Variants in TCF7 observed in about 807,000 individuals in gnomAD.
TCF7 encodes the protein T-cell-factor-7.
In TCF7, 19 loss-of-function variants were observed where a neutral mutation model predicts 46.8. The ratio of observed to expected loss-of-function variants is 0.41; its 90% CI spans 0.28 to 0.60. The LOEUF is 0.60. Among genes scored for constraint, TCF7 ranks in the 20% least tolerant of loss-of-function variants. TCF7 has a pLI of 0.35. For missense variants in TCF7, 547 were observed against 504.6 expected (o/e 1.08, Z -0.81); for synonymous variants, 245 against 213.4 (o/e 1.15, Z -1.29).
rs147328491 is a variant in TCF7 at position 134,143,001 on chromosome 5, G to A, written c.927G>A (p.Ala309=). The A allele has an allele frequency of 2.5e-3, 3,953 of 1,612,862 alleles. 19 individuals are homozygous for A. The highest frequency in any genetic ancestry group is 2.3e-3 in the Non-Finnish European group (2,764 of 1,179,384). Residue 309 remains alanine (A), a synonymous_variant, in exon 8 of 10, where the codon GCG becomes GCA. Coordinates refer to ENST00000342854, the MANE Select transcript of TCF7 (RefSeq NM_003202.5). The part of the protein sequence containing the change: ...INQILGRRWH[A]LSREEQAKYY... ...CCTCTTCCCTGTTGCAGTGGCACGC[G>A]CTGTCGCGAGAAGAGCAGGCCAAGT...
chr5:134,124,379 G>T (rs1229317882), intron 3 of TCF7, among the ~76,000 whole-genome samples: 2 of 152,174 alleles, frequency 1.3e-5, no homozygotes, highest in Non-Finnish European at 2.9e-5. Flanking sequence ...TCCTCAGAGG[G>T]TTCCCCCTTC....
chr5:134,135,199 GTCC>G (rs1758688855), intron 3 of TCF7, among the ~76,000 whole-genome samples: 2 of 152,262 alleles, frequency 1.3e-5, no homozygotes, highest in East Asian at 3.9e-4. Flanking sequence ...ACCTAAAGCA[GTCC>G]TCCTCCCTCA....
the TCF7 span, among the ~76,000 whole-genome samples, chr5:134,109,382 C>A: frequency 3.3e-5 from 5 of 152,156 alleles, no homozygotes; most frequent in African/African-American, 9.7e-5. Context: ...GAACACCAGG[C>A]CTTGGTGTGC....
At chr5:134,137,306 T>C (rs6864422) in intron 3 of TCF7, among the ~76,000 whole-genome samples, 22,869 of 151,410 alleles carry the variant, frequency 0.15, 2,712 homozygotes, top group African/African-American at 0.33. Context: ...TGCCTGTAAT[T>C]CCAGCTACTC....
At chr5:134,131,455 C>G in intron 3 of TCF7, among the ~76,000 whole-genome samples, 1 of 152,212 alleles carries the variant, frequency 6.6e-6, no homozygotes, top group African/African-American at 2.4e-5. Context: ...GGAGGTAGCA[C>G]AAGGCTCAAG....
upstream of TCF7, among the ~76,000 whole-genome samples, chr5:134,109,983 C>T (rs543955892): frequency 3.9e-5 from 6 of 152,292 alleles, no homozygotes; most frequent in East Asian, 1.9e-4. Context: ...CGTTTGCCTT[C>T]GCTGTCGCCA....
intron 3 of TCF7, among the ~76,000 whole-genome samples, chr5:134,121,621 C>T (rs1303830532): frequency 6.6e-6 from 1 of 151,880 alleles, no homozygotes; most frequent in Non-Finnish European, 1.5e-5. Context: ...ACCCTCATGG[C>T]CATCAGCCTG....
At position 134,125,575 on chromosome 5, in the gene TCF7, G is replaced by A. The variant is rs116068793; in HGVS notation, c.441+9542G>A. On this transcript the variant is annotated intron_variant, in intron 3 of 9. Coordinates refer to ENST00000342854, the MANE Select transcript of TCF7 (RefSeq NM_003202.5). ...TGTCTGGGAGAGCCAGGAGGAGGCT[G>A]CTGAGGGTGAGGTGGTGGTCTCAGG... Among the ~76,000 whole-genome samples, 827 of 152,392 alleles carry A rather than the reference G, an allele frequency of 5.4e-3. 6 individuals carry two copies. Among genetic ancestry groups the A allele is most frequent in the African/African-American group, 0.019 (781 of 41,606 alleles).
upstream of TCF7, among the ~76,000 whole-genome samples, chr5:134,112,491 C>T (rs538550454): frequency 6.6e-6 from 1 of 152,308 alleles, no homozygotes; most frequent in African/African-American, 2.4e-5. Context: ...TCCCACTCTC[C>T]CTACTCACCC....
intron 2 of TCF7, 174 bp downstream of exon 2, chr5:134,115,561 T>G (rs1755687886): frequency 5.6e-6 from 8 of 1,438,798 alleles, no homozygotes; most frequent in Non-Finnish European, 7.3e-6. Flanking sequence ...CCGGGTCGAG[T>G]CACTTCCGGT....
intron 3 of TCF7, among the ~76,000 whole-genome samples, chr5:134,133,462 C>T (rs916018635): frequency 1.3e-5 from 2 of 152,160 alleles, no homozygotes; most frequent in Non-Finnish European, 2.9e-5. Context: ...ATATACATGC[C>T]AGGCCCCAGG....
At chr5:134,108,559 G>C in the TCF7 span, among the ~76,000 whole-genome samples, 1 of 152,284 alleles carries the variant, frequency 6.6e-6, no homozygotes, top group South Asian at 2.1e-4. Context: ...GAATAAGAGG[G>C]TGAGCTTTCC....
intron 3 of TCF7, among the ~76,000 whole-genome samples, chr5:134,124,570 G>A (rs555787412): frequency 6.6e-6 from 1 of 152,106 alleles, no homozygotes; most frequent in Non-Finnish European, 1.5e-5. Flanking sequence ...GCAAGCCTGG[G>A]GACACAAAGC....
At chr5:134,145,908 G>A in intron 9 of TCF7, 2 of 1,537,314 alleles carry the variant, frequency 1.3e-6, no homozygotes, top group Middle Eastern at 1.9e-4. Flanking sequence ...ATCTGGAGAA[G>A]CTCAAAGGCC....
rs1759841323 is a variant in TCF7 at position 134,141,916 on chromosome 5, T to C, written c.636-269T>C. ...AGGCTGGGTTGGTAGGGGAAGGACGTGAGAAGGGGACAGATTCAAAAGCTA... is the reference window on the plus strand; with the variant it reads ...AGGCTGGGTTGGTAGGGGAAGGACGCGAGAAGGGGACAGATTCAAAAGCTA... On this transcript the variant is annotated intron_variant, in intron 5 of 9. Transcript: ENST00000342854. 9.1e-6 allele frequency: 3 copies of C among 330,282 alleles called. No homozygotes were observed. In the Admixed American group the frequency reaches 1.4e-4, roughly 15 times the overall value. The allele number at this position is 330,282 out of a possible 1,614,324, so 20.5% of individuals were successfully genotyped here. A position where few individuals can be genotyped will look rare whatever the true frequency, so the allele number is the denominator to read the frequency against.
rs758688603 is a variant in TCF7, at chr5:134,143,296, G to A, written c.1026+196G>A. Reference sequence around the variant, plus strand: ...CATCCTATTCTCCACTCCAGAATATGCTCACACATGAGCTGTTACCCAACA... The same window carrying A: ...CATCCTATTCTCCACTCCAGAATATACTCACACATGAGCTGTTACCCAACA... On this transcript the variant is annotated intron_variant, in intron 8 of 9. Coordinates refer to ENST00000342854, the MANE Select transcript of TCF7 (RefSeq NM_003202.5). The A allele has an allele frequency of 6.6e-6, 5 of 757,736 alleles. No individual in the cohort carries two copies. The African/African-American group carries it at 8.5e-5, about 13-fold the overall frequency. 46.9% of individuals were successfully genotyped at this position (757,736 alleles called of 1,614,324 possible). A position where few individuals can be genotyped will look rare whatever the true frequency, so the allele number is the denominator to read the frequency against.
rs1164325633 is a variant in TCF7, at chr5:134,148,203, T to C, written c.*1900T>C. 6.6e-6 allele frequency: 1 copy of C among 152,580 alleles called. No individual in the cohort carries two copies. The highest frequency in any genetic ancestry group is 1.5e-5 in the Non-Finnish European group (1 of 68,042). 9.5% of individuals were successfully genotyped at this position (152,580 alleles called of 1,614,324 possible). On this transcript the variant is annotated 3_prime_UTR_variant, in exon 10 of 10. Coordinates refer to ENST00000342854, the MANE Select transcript of TCF7 (RefSeq NM_003202.5). ...TTAAACATGAGAATAAAGATACTTT[T>C]TACTGGGTTTGTTTTTCAAAGCCTG... is the stretch of plus-strand genomic sequence containing the variant.
At chr5:134,111,928 C>A (rs1000856881), upstream of TCF7, among the ~76,000 whole-genome samples, 1 of 152,144 alleles carries the variant, frequency 6.6e-6, no homozygotes, top group African/African-American at 2.4e-5. Flanking sequence ...AATGGGGATA[C>A]GAGTCCCTAT....
At position 134,116,021 on chromosome 5, in the gene TCF7, G is replaced by T. The variant is rs1755782945; in HGVS notation, c.429G>T (p.Pro143=). The T allele has an allele frequency of 6.2e-7, 1 of 1,612,124 alleles. No individual in the cohort carries two copies. Among genetic ancestry groups the T allele is most frequent in the East Asian group, 2.2e-5 (1 of 44,876 alleles). Residue 143 remains proline, a synonymous_variant, in exon 3 of 10, where the codon CCG becomes CCT. Coordinates refer to ENST00000342854, the MANE Select transcript of TCF7 (RefSeq NM_003202.5). The stretch of plus-strand genomic sequence containing the variant: ...CGGGAGCAGGGCAGCACCCCCAGCC[G>T]CAGCCCCCGCTGGTAAGTGGACCCC... ...PPSGAGQHPQ[P]QPPLHKANQP...
Sources: allele counts gnomAD v4.1 joint callset (sites outside exome capture counted in the v4.1 genomes callset), GRCh38; gene constraint gnomAD v4.1.1; transcripts MANE v1.5; gene names NCBI Gene and HGNC (gene_info 2026-07-23, HGNC 2026-07-21).